The following DIAPH3 variants were observed in gnomAD, a reference collection of about 807,000 sequenced individuals.
DIAPH3 encodes the protein diaphanous related formin 3, also known as protein diaphanous homolog 3.
DIAPH3 carries 117 observed loss-of-function variants against 144.3 expected under a neutral mutation model. The ratio of observed to expected loss-of-function variants is 0.81; its 90% CI spans 0.70 to 0.95. DIAPH3 has a LOEUF of 0.95. Ranked by LOEUF, DIAPH3 falls within the 40% of genes least tolerant of loss-of-function variation. The pLI is 0.00. For synonymous variants in DIAPH3, 519 were observed against 488.9 expected (o/e 1.06, Z -0.81); for missense variants, 1,421 against 1,412.7 (o/e 1.01, Z -0.09).
At chr13:59,711,028 T>C (rs561123656) in intron 27 of DIAPH3, among the ~76,000 whole-genome samples, 4 of 152,336 alleles carry the variant, frequency 2.6e-5, no homozygotes, top group African/African-American at 7.2e-5. Context: ...TTAAAGTACA[T>C]GCAAGTGAGC....
intron 27 of DIAPH3, among the ~76,000 whole-genome samples, chr13:59,741,459 C>T (rs2036442465): frequency 6.6e-6 from 1 of 151,920 alleles, no homozygotes; most frequent in Non-Finnish European, 1.5e-5. Flanking sequence ...GTATTGCTAG[C>T]AGTAAGAAAG....
intron 5 of DIAPH3, among the ~76,000 whole-genome samples, chr13:60,024,989 T>C (rs542476116): frequency 6.6e-6 from 1 of 152,266 alleles, no homozygotes; most frequent in East Asian, 1.9e-4. Context: ...TCTATTGGCT[T>C]CTTTGGACAT....
chr13:60,147,784 C>T (rs1435463821), intron 1 of DIAPH3, among the ~76,000 whole-genome samples: 1 of 152,164 alleles, frequency 6.6e-6, no homozygotes, highest in Non-Finnish European at 1.5e-5. Flanking sequence ...GATCATGCTA[C>T]TTGGCCTTTA....
At chr13:59,683,080 G>A (rs150020203) in intron 27 of DIAPH3, among the ~76,000 whole-genome samples, 33 of 152,334 alleles carry the variant, frequency 2.2e-4, no homozygotes, top group Middle Eastern at 3.4e-3. Flanking sequence ...AGTATGAACA[G>A]TGGGCCATGC....
At chr13:60,056,543 A>T (rs887450918) in intron 4 of DIAPH3, among the ~76,000 whole-genome samples, 6 of 151,824 alleles carry the variant, frequency 4.0e-5, no homozygotes, top group African/African-American at 7.2e-5. Context: ...GGCCTAGAAG[A>T]TATACCATTA....
intron 20 of DIAPH3, among the ~76,000 whole-genome samples, chr13:59,911,234 TA>T (rs2046982036): frequency 6.6e-6 from 1 of 152,184 alleles, no homozygotes; most frequent in African/African-American, 2.4e-5. Flanking sequence ...CCCCAGCTTC[TA>T]TAAAATAAAA....
At chr13:59,807,299 T>G (rs574890596) in intron 25 of DIAPH3, among the ~76,000 whole-genome samples, 16 of 152,060 alleles carry the variant, frequency 1.1e-4, no homozygotes, top group African/African-American at 2.6e-4. Context: ...ATTATGAAAT[T>G]TGGGCTATTA....
At chr13:59,668,319 T>A (rs2032141727) in intron 27 of DIAPH3, among the ~76,000 whole-genome samples, 1 of 152,196 alleles carries the variant, frequency 6.6e-6, no homozygotes, top group Non-Finnish European at 1.5e-5. Context: ...CAGCTAAATG[T>A]AGAATGTTGG....
At chr13:59,728,755 A>T (rs894756322) in intron 27 of DIAPH3, among the ~76,000 whole-genome samples, 1 of 152,208 alleles carries the variant, frequency 6.6e-6, no homozygotes, top group Non-Finnish European at 1.5e-5. Flanking sequence ...ACTTTTACCA[A>T]CACACAGGAA....
intron 20 of DIAPH3, among the ~76,000 whole-genome samples, chr13:59,886,570 A>C (rs182897491): frequency 6.6e-6 from 1 of 152,110 alleles, no homozygotes; most frequent in Non-Finnish European, 1.5e-5. Flanking sequence ...AAATCTTAAC[A>C]ATACCAACTC....
intron 21 of DIAPH3, among the ~76,000 whole-genome samples, chr13:59,865,872 G>A (rs1049776431): frequency 4.0e-5 from 6 of 151,842 alleles, no homozygotes; most frequent in African/African-American, 9.7e-5. Context: ...AAGCATCTTC[G>A]TGATCTTCAG....
intron 25 of DIAPH3, among the ~76,000 whole-genome samples, chr13:59,775,695 G>A (rs1041121863): frequency 1.2e-4 from 18 of 151,540 alleles, no homozygotes; most frequent in African/African-American, 4.4e-4. Context: ...CTGACTTGAG[G>A]TGACACAGAA....
At chr13:59,763,040 A>T (rs575824969) in intron 27 of DIAPH3, among the ~76,000 whole-genome samples, 86 of 152,284 alleles carry the variant, frequency 5.6e-4, no homozygotes, top group African/African-American at 2.0e-3. Flanking sequence ...ACTTCTGTTC[A>T]TAAGTTACCC....
intron 1 of DIAPH3, among the ~76,000 whole-genome samples, chr13:60,162,801 TCTCTCTCTCA>T (rs1478460713): frequency 2.9e-5 from 4 of 138,912 alleles, no homozygotes; most frequent in South Asian, 2.5e-4. Context: ...TCTCTCTCTC[TCTCTCTCTCA>T]CACACACACA....
intron 15 of DIAPH3, among the ~76,000 whole-genome samples, chr13:59,973,011 T>A (rs2050478620): frequency 6.6e-6 from 1 of 152,218 alleles, no homozygotes; most frequent in Non-Finnish European, 1.5e-5. Flanking sequence ...AATTTGCCAG[T>A]TGTTCAAACA....
chr13:59,682,652 AC>A (rs1488147034), intron 27 of DIAPH3, among the ~76,000 whole-genome samples: 1 of 152,120 alleles, frequency 6.6e-6, no homozygotes, highest in African/African-American at 2.4e-5. Context: ...ACTGCATTAA[AC>A]TCTATATATA....
At chr13:59,708,797 C>A (rs1323708829) in intron 27 of DIAPH3, among the ~76,000 whole-genome samples, 1 of 152,082 alleles carries the variant, frequency 6.6e-6, no homozygotes, top group Non-Finnish European at 1.5e-5. Flanking sequence ...AATGCATTTT[C>A]TGAATGCTTT....
chr13:59,895,696 G>T (rs34294354), intron 20 of DIAPH3, among the ~76,000 whole-genome samples: 1 of 152,312 alleles, frequency 6.6e-6, no homozygotes, highest in East Asian at 1.9e-4. Context: ...GAGTATCTCA[G>T]AGAAATTTTC....
At chr13:59,698,910 T>C (rs2033955069) in intron 27 of DIAPH3, among the ~76,000 whole-genome samples, 1 of 152,224 alleles carries the variant, frequency 6.6e-6, no homozygotes, top group African/African-American at 2.4e-5. Flanking sequence ...TTTAAAATTA[T>C]GTCCTCTCTC....
Sources: gnomAD v4.1 joint callset for allele counts (sites outside exome capture counted in the v4.1 genomes callset) on GRCh38, gnomAD v4.1.1 for gene constraint, MANE v1.5 for transcripts, NCBI Gene and HGNC (gene_info 2026-07-23, HGNC 2026-07-21) for gene names.